SMARCC1: variants seen among roughly 807,000 people sequenced by gnomAD.
SMARCC1 encodes the protein SWI/SNF related BAF chromatin remodeling complex subunit C1, also known as SWI/SNF complex subunit SMARCC1.
SMARCC1 carries 43 observed loss-of-function variants against 147.4 expected under a neutral mutation model. The observed-to-expected ratio is 0.29, with a 90% CI of 0.23 to 0.38. The LOEUF is 0.38. Ranked by LOEUF, SMARCC1 falls within the 10% of genes least tolerant of loss-of-function variation. The pLI, the probability that SMARCC1 is intolerant of heterozygous loss-of-function variation, is 1.00. For synonymous variants in SMARCC1, 495 were observed against 484.4 expected, an observed-to-expected ratio of 1.02 and a Z score of -0.29; for missense variants, 1,119 against 1,381.1, an observed-to-expected ratio of 0.81 and a Z score of 3.01.
At chr3:47,723,703 C>T (rs2034264339) in intron 6 of SMARCC1, among the ~76,000 whole-genome samples, 1 of 152,018 alleles carries the variant, frequency 6.6e-6, no homozygotes, top group African/African-American at 2.4e-5. Context: ...ATCCCAGCTA[C>T]TTGAGTGGCT....
At chr3:47,750,863 T>C (rs2034620421) in intron 2 of SMARCC1, among the ~76,000 whole-genome samples, 1 of 151,654 alleles carries the variant, frequency 6.6e-6, no homozygotes, top group African/African-American at 2.4e-5. Flanking sequence ...ATTTGAAAAA[T>C]GAAATCATTA....
intron 11 of SMARCC1, among the ~76,000 whole-genome samples, chr3:47,697,426 G>A (rs1279830962): frequency 2.0e-5 from 3 of 151,040 alleles, no homozygotes; most frequent in East Asian, 2.0e-4. Flanking sequence ...TCAGCCTCCC[G>A]AGTAGCCTGG....
chr3:47,600,904 C>G (rs1021582411), intron 26 of SMARCC1, among the ~76,000 whole-genome samples: 4 of 150,200 alleles, frequency 2.7e-5, no homozygotes, highest in African/African-American at 9.8e-5. Flanking sequence ...TGCATAGGAA[C>G]AGGCCTTAGC....
In SMARCC1 at chr3:47,638,720, T is replaced by C. The variant is rs1159756677; in HGVS notation, c.2376+5A>G. The C allele has an allele frequency of 6.2e-7, 1 of 1,611,500 alleles. No individual in the cohort carries two copies. The highest frequency in any genetic ancestry group is 1.3e-5 in the African/African-American group (1 of 74,890). On this transcript the variant is annotated splice_donor_5th_base_variant and intron_variant, in intron 22 of 27. Coordinates refer to ENST00000254480, the MANE Select transcript of SMARCC1 (RefSeq NM_003074.4). Reference sequence around the variant, plus strand: ...ATCTGTGGTTTTACTGCTGTGAGACTTTACCTTTTCAGGCTGCTGACCATC... The same window carrying C: ...ATCTGTGGTTTTACTGCTGTGAGACCTTACCTTTTCAGGCTGCTGACCATC...
At chr3:47,751,579 T>C (rs2034630274) in intron 2 of SMARCC1, among the ~76,000 whole-genome samples, 1 of 151,794 alleles carries the variant, frequency 6.6e-6, no homozygotes, top group Non-Finnish European at 1.5e-5. Flanking sequence ...ACATTCAATT[T>C]TCCAATGGTA....
At chr3:47,768,996 G>C (rs1045872057) in intron 2 of SMARCC1, among the ~76,000 whole-genome samples, 1 of 151,884 alleles carries the variant, frequency 6.6e-6, no homozygotes, top group Non-Finnish European at 1.5e-5. Context: ...GATCACCTGA[G>C]GTCAGGAGTT....
chr3:47,664,115 T>A (rs1442906082), intron 19 of SMARCC1, among the ~76,000 whole-genome samples: 1 of 151,952 alleles, frequency 6.6e-6, no homozygotes, highest in Non-Finnish European at 1.5e-5. Context: ...GTTTCTGTTG[T>A]TTGAATGTTA....
intron 21 of SMARCC1, among the ~76,000 whole-genome samples, chr3:47,650,301 T>TATA (rs1553679574): frequency 3.9e-5 from 5 of 129,484 alleles, no homozygotes; most frequent in Non-Finnish European, 5.1e-5. Flanking sequence ...TAATAATAAT[T>TATA]ATTATTATTA....
At chr3:47,719,495 G>A (rs1418005494) in intron 7 of SMARCC1, among the ~76,000 whole-genome samples, 1 of 151,932 alleles carries the variant, frequency 6.6e-6, no homozygotes, top group African/African-American at 2.4e-5. Flanking sequence ...GAGGTCAGGA[G>A]TGCAAGACCA....
At chr3:47,751,406 T>C (rs895231921) in intron 2 of SMARCC1, among the ~76,000 whole-genome samples, 1 of 151,904 alleles carries the variant, frequency 6.6e-6, no homozygotes, top group Non-Finnish European at 1.5e-5. Flanking sequence ...CTGGGCATGG[T>C]GGCAGGCACC....
intron 2 of SMARCC1, among the ~76,000 whole-genome samples, chr3:47,764,710 A>G (rs2034815814): frequency 6.6e-6 from 1 of 152,170 alleles, no homozygotes; most frequent in African/African-American, 2.4e-5. Context: ...ATGAATTATA[A>G]AGGCCAGAAG....
intron 5 of SMARCC1, among the ~76,000 whole-genome samples, chr3:47,735,328 G>A (rs1193119994): frequency 6.6e-6 from 1 of 151,918 alleles, no homozygotes; most frequent in Non-Finnish European, 1.5e-5. Flanking sequence ...AAAGATGAGG[G>A]GAGAGAAAAA....
chr3:47,763,640 AT>A (rs573413582), intron 2 of SMARCC1, among the ~76,000 whole-genome samples: 10 of 148,602 alleles, frequency 6.7e-5, no homozygotes, highest in Admixed American at 2.7e-4. Flanking sequence ...CCCAGCTGAG[AT>A]TTTTTTTTTA....
Position 47,729,083 on chromosome 3 carries a change from C to A in SMARCC1, c.588G>T (p.Thr196=). The change falls in exon 6 of 28, where the codon ACG becomes ACT. Residue 196 remains threonine (T), a synonymous_variant. Transcript: ENST00000254480. ...GGTGGGAAGCTTTTGACTTCTCATC[C>A]GTAAATGTTCCCTGGAAAGCAAATG... ...DIIKRHQGTF[T]DEKSKASHHI... is the part of the protein sequence containing the mutation. 6.2e-7 allele frequency: 1 copy of A among 1,609,868 alleles called. No homozygotes were observed. Among genetic ancestry groups the A allele is most frequent in the Non-Finnish European group, 8.5e-7 (1 of 1,176,996 alleles).
At chr3:47,732,356 C>T (rs1037036794) in intron 5 of SMARCC1, among the ~76,000 whole-genome samples, 3 of 152,184 alleles carry the variant, frequency 2.0e-5, no homozygotes, top group Admixed American at 6.6e-5. Context: ...TTCTCAGTAT[C>T]AGCAATAAGC....
At chr3:47,700,287 G>A (rs1274252552) in intron 11 of SMARCC1, among the ~76,000 whole-genome samples, 1 of 151,856 alleles carries the variant, frequency 6.6e-6, no homozygotes, top group Non-Finnish European at 1.5e-5. Flanking sequence ...TGATTAGTAT[G>A]AGACCTGTAA....
chr3:47,595,253 C>T lies in SMARCC1; in HGVS notation c.3044-4416G>A, dbSNP rs114591263. The stretch of plus-strand genomic sequence containing the variant: ...TTTTTTAAACACATGGCCAAGCGGG[C>T]GCGATGGCTCACGCCTGTAATCCCA... On this transcript the variant is annotated intron_variant, in intron 26 of 27. Coordinates refer to ENST00000254480, the MANE Select transcript of SMARCC1 (RefSeq NM_003074.4). Among the ~76,000 whole-genome samples, 1,405 of 152,170 alleles carry T rather than the reference C, an allele frequency of 9.2e-3. 21 individuals carry two copies. Among genetic ancestry groups the T allele is most frequent in the African/African-American group, 0.032 (1,347 of 41,514 alleles).
At chr3:47,769,511 G>T (rs2034882869) in intron 2 of SMARCC1, among the ~76,000 whole-genome samples, 1 of 151,704 alleles carries the variant, frequency 6.6e-6, no homozygotes, top group South Asian at 2.1e-4. Context: ...ACAGGCATGA[G>T]CCACCGCACT....
chr3:47,620,518 ATC>A (rs892929605), intron 25 of SMARCC1, among the ~76,000 whole-genome samples: 1 of 151,992 alleles, frequency 6.6e-6, no homozygotes, highest in African/African-American at 2.4e-5. Context: ...AGCTTACTTA[ATC>A]TCTTTTTCTC....
Sources: allele counts gnomAD v4.1 joint callset (sites outside exome capture counted in the v4.1 genomes callset), GRCh38; gene constraint gnomAD v4.1.1; transcripts MANE v1.5; gene names NCBI Gene and HGNC (gene_info 2026-07-23, HGNC 2026-07-21).